Variants in MYH11 observed in about 807,000 individuals in gnomAD.
MYH11 encodes the protein myosin heavy chain 11, also known as myosin-11.
In MYH11, 80 loss-of-function variants were observed where a neutral mutation model predicts 246.6. That is an observed-to-expected ratio of 0.32 (90% CI 0.27 to 0.39). MYH11 has a LOEUF of 0.39. MYH11 is among the 10% of genes least tolerant of loss of function. MYH11 has a pLI of 1.00. For missense variants in MYH11, 2,158 were observed against 2,546.8 expected (o/e 0.85, Z 3.29); for synonymous variants, 1,071 against 1,015.5 (o/e 1.05, Z -1.04).
At position 15,708,830 on chromosome 16, in the gene MYH11, G is replaced by T. The variant is rs111588143; in HGVS notation, c.5787-4707C>A. The T allele has an allele frequency of 1.6e-3, 2,635 of 1,605,908 alleles. 4 individuals carry two copies. The highest frequency in any genetic ancestry group is 8.4e-3 in the African/African-American group (632 of 74,806). On this transcript the variant is annotated intron_variant, in intron 40 of 40. Coordinates refer to ENST00000300036, the MANE Select transcript of MYH11 (RefSeq NM_002474.3). ...GGTGCATCACTGCGAAGTTTCCTGT[G>T]GGGGGGGCCCTCTGAAACAGAGAGA...
chr16:15,712,680 C>T (rs2039870875), intron 40 of MYH11, among the ~76,000 whole-genome samples: 2 of 151,950 alleles, frequency 1.3e-5, no homozygotes, highest in African/African-American at 4.8e-5. Context: ...GGAAGAGGGA[C>T]AACCCCACAG....
intron 3 of MYH11, among the ~76,000 whole-genome samples, chr16:15,816,413 G>A (rs2043264340): frequency 6.6e-6 from 1 of 151,148 alleles, no homozygotes; most frequent in South Asian, 2.1e-4. Flanking sequence ...AACAAGATTG[G>A]GGAAAAAAAA....
chr16:15,781,284 A>G (rs1363043172), intron 6 of MYH11, among the ~76,000 whole-genome samples: 1 of 152,172 alleles, frequency 6.6e-6, no homozygotes. Context: ...GCTGATGTGT[A>G]TTCATCTAAT....
chr16:15,785,923 T>C (rs1253200186), intron 5 of MYH11: 1 of 167,348 alleles, frequency 6.0e-6, no homozygotes. Context: ...GAGAAGAGAA[T>C]AACAGCATCT....
chr16:15,735,067 T>G (rs1401672456), intron 26 of MYH11, among the ~76,000 whole-genome samples: 2 of 151,074 alleles, frequency 1.3e-5, no homozygotes, highest in African/African-American at 4.9e-5. Context: ...TAATCCCAGC[T>G]ACTCAGGAGG....
At position 15,721,652 on chromosome 16, in the gene MYH11, G is replaced by C. The variant is rs757817866; in HGVS notation, c.4366-18C>G. 1 of 1,613,910 alleles carries C rather than the reference G, an allele frequency of 6.2e-7. No homozygotes were observed. The highest frequency in any genetic ancestry group is 8.5e-7 in the Non-Finnish European group (1 of 1,179,818). On this transcript the variant is annotated intron_variant, in intron 31 of 40. Coordinates refer to ENST00000300036, the MANE Select transcript of MYH11 (RefSeq NM_002474.3). ...GCTAACAACTACAACACAAGACCCA[G>C]AGGTGACTTCTAGGCATATCCGGGG...
At chr16:15,741,940 T>C (rs891471655) in intron 20 of MYH11, 49 bp from the exon 21 acceptor site, 11 of 1,612,346 alleles carry the variant, frequency 6.8e-6, no homozygotes, top group Admixed American at 6.7e-5. Flanking sequence ...CAAAGGGATA[T>C]GTTGTCATAA....
intron 39 of MYH11, 22 bp downstream of exon 39, chr16:15,715,142 G>A: frequency 6.2e-7 from 1 of 1,612,940 alleles, no homozygotes; most frequent in Non-Finnish European, 8.5e-7. Context: ...GGGCTCGAGG[G>A]AGGCTGGGTG....
chr16:15,797,271 G>A (rs1481735011), intron 4 of MYH11, among the ~76,000 whole-genome samples: 1 of 152,034 alleles, frequency 6.6e-6, no homozygotes, highest in Non-Finnish European at 1.5e-5. Context: ...CTAATTACTA[G>A]TTTTTAATTG....
At chr16:15,781,947 G>T (rs2042365127) in intron 6 of MYH11, among the ~76,000 whole-genome samples, 1 of 152,192 alleles carries the variant, frequency 6.6e-6, no homozygotes, top group African/African-American at 2.4e-5. Flanking sequence ...GGAGGTGTGT[G>T]CCTGGTACAC....
intron 36 of MYH11, chr16:15,718,653 T>A: frequency 1.5e-6 from 1 of 654,146 alleles, no homozygotes; most frequent in Non-Finnish European, 2.6e-6. Flanking sequence ...GGGATTGGGA[T>A]GGGGACCAGC....
chr16:15,764,789 G>A (rs1480542883), intron 9 of MYH11, among the ~76,000 whole-genome samples: 1 of 152,154 alleles, frequency 6.6e-6, no homozygotes, highest in Non-Finnish European at 1.5e-5. Flanking sequence ...TTTTCTCCAT[G>A]TAAATCATAT....
chr16:15,788,006 A>G (rs1485209995), intron 4 of MYH11, among the ~76,000 whole-genome samples: 1 of 149,760 alleles, frequency 6.7e-6, no homozygotes, highest in African/African-American at 2.5e-5. Context: ...TAAATGACTG[A>G]TATGTTTAGA....
chr16:15,765,346 T>C (rs149619891), intron 9 of MYH11, among the ~76,000 whole-genome samples: 1 of 151,794 alleles, frequency 6.6e-6, no homozygotes, highest in African/African-American at 2.4e-5. Context: ...AGAGGATAGA[T>C]GGATAGATGG....
chr16:15,706,715 CAA>C (rs554587198), intron 40 of MYH11, among the ~76,000 whole-genome samples: 5 of 150,006 alleles, frequency 3.3e-5, no homozygotes, highest in Admixed American at 6.6e-5. Context: ...AAAAAAAAAA[CAA>C]AAAAAAATCT....
At chr16:15,804,884 A>C (rs1193804520) in intron 3 of MYH11, among the ~76,000 whole-genome samples, 1 of 152,184 alleles carries the variant, frequency 6.6e-6, no homozygotes, top group Non-Finnish European at 1.5e-5. Context: ...CGGATGGATC[A>C]TATTTTGTTT....
chr16:15,728,611 G>A (rs2040868444), intron 27 of MYH11, among the ~76,000 whole-genome samples: 1 of 152,024 alleles, frequency 6.6e-6, no homozygotes, highest in Non-Finnish European at 1.5e-5. Flanking sequence ...AAAAAAAAGT[G>A]TGTTGGGGCC....
Position 15,777,582 on chromosome 16 carries a change from C to T in MYH11, c.790+1198G>A, listed in dbSNP as rs369173192. 2.0e-4 allele frequency among the ~76,000 whole-genome samples: 30 copies of T among 152,130 alleles called. 2 individuals are homozygous for T. The highest frequency in any genetic ancestry group is 1.0e-3 in the Admixed American group (16 of 15,268). ...GAAATGAATTGCTGAGAGGTGTGTGCAGGGCTGCAGGACAAGAGGGCCCTG... is the reference window on the plus strand; with the variant it reads ...GAAATGAATTGCTGAGAGGTGTGTGTAGGGCTGCAGGACAAGAGGGCCCTG... On this transcript the variant is annotated intron_variant, in intron 7 of 40. Transcript: ENST00000300036.
intron 3 of MYH11, among the ~76,000 whole-genome samples, chr16:15,817,692 C>T (rs1260616306): frequency 6.6e-6 from 1 of 152,158 alleles, no homozygotes; most frequent in African/African-American, 2.4e-5. Context: ...TTCCCAACTC[C>T]TGTGAGGCAG....
Sources: gnomAD v4.1 joint callset for allele counts (sites outside exome capture counted in the v4.1 genomes callset) on GRCh38, gnomAD v4.1.1 for gene constraint, MANE v1.5 for transcripts, NCBI Gene and HGNC (gene_info 2026-07-23, HGNC 2026-07-21) for gene names.